The following PPP2R2A variants were observed in gnomAD, a reference collection of about 807,000 sequenced individuals.
The protein encoded by PPP2R2A is serine/threonine-protein phosphatase 2A 55 kDa regulatory subunit B alpha isoform.
In PPP2R2A, 9 loss-of-function variants were observed where a neutral mutation model predicts 53.2. The ratio of observed to expected loss-of-function variants is 0.17; its 90% CI spans 0.10 to 0.30. The LOEUF (loss-of-function observed/expected upper bound fraction) is 0.30, where lower values mean the gene tolerates loss of function less well. Ranked by LOEUF, PPP2R2A falls within the 10% of genes least tolerant of loss-of-function variation. The pLI is 1.00. For synonymous variants in PPP2R2A, 169 were observed against 174.2 expected, an observed-to-expected ratio of 0.97 and a Z score of 0.23; for missense variants, 235 against 534.6, an observed-to-expected ratio of 0.44 and a Z score of 5.53.
chr8:26,296,482 T>C (rs1801544399), intron 2 of PPP2R2A, among the ~76,000 whole-genome samples: 1 of 152,250 alleles, frequency 6.6e-6, no homozygotes, highest in African/African-American at 2.4e-5. Flanking sequence ...AGGATCCTGC[T>C]CATCTCTCAA....
At chr8:26,312,149 G>T (rs924143297) in intron 2 of PPP2R2A, among the ~76,000 whole-genome samples, 1 of 152,208 alleles carries the variant, frequency 6.6e-6, no homozygotes, top group Non-Finnish European at 1.5e-5. Context: ...AAATTCTCCA[G>T]AAGTCTGAAG....
intron 2 of PPP2R2A, among the ~76,000 whole-genome samples, chr8:26,325,187 C>T (rs987232084): frequency 1.3e-5 from 2 of 151,754 alleles, no homozygotes; most frequent in African/African-American, 4.8e-5. Context: ...CAAATCTCAA[C>T]TTGAATTGTA....
rs1285461527 is a variant in PPP2R2A at position 26,316,835 on chromosome 8, C to A, written c.83-22055C>A. ...GGCTCCACCCTTATTACCGGATCAC[C>A]TGCCAAAGACCTCCCTTCCAAATAC... On this transcript the variant is annotated intron_variant, in intron 2 of 9. Coordinates refer to ENST00000380737, the MANE Select transcript of PPP2R2A (RefSeq NM_002717.4). Among the ~76,000 whole-genome samples the A allele has an allele frequency of 2.0e-5, 3 of 152,226 alleles. No individual in the cohort carries two copies. The East Asian group carries it at 5.8e-4, about 29-fold the overall frequency.
chr8:26,348,587 T>C (rs1804340255), intron 3 of PPP2R2A, among the ~76,000 whole-genome samples: 1 of 152,242 alleles, frequency 6.6e-6, no homozygotes, highest in Middle Eastern at 3.4e-3. Context: ...TTCCAAAATA[T>C]GGAAAAAAAT....
At chr8:26,343,376 T>C in intron 3 of PPP2R2A, among the ~76,000 whole-genome samples, 1 of 142,860 alleles carries the variant, frequency 7.0e-6, no homozygotes. Context: ...ACTTCTCAGA[T>C]TTTTTTTTTT....
Position 26,351,348 on chromosome 8 carries a change from C to T in PPP2R2A, c.181-3120C>T, listed in dbSNP as rs576102345. Among the ~76,000 whole-genome samples, 37 of 152,076 alleles carry T rather than the reference C, an allele frequency of 2.4e-4. 1 individual carries two copies. The highest frequency in any genetic ancestry group is 1.2e-3 in the South Asian group (6 of 4,828). On this transcript the variant is annotated intron_variant, in intron 3 of 9. Transcript: ENST00000380737. ...CTGTCTCCATGGCCCTCTTTAAAGT[C>T]AGCCTTACTACCTTATAAATAAGTA...
chr8:26,318,403 TA>T (rs1375505445), intron 2 of PPP2R2A, among the ~76,000 whole-genome samples: 1 of 152,248 alleles, frequency 6.6e-6, no homozygotes, highest in Non-Finnish European at 1.5e-5. Flanking sequence ...TGGTCTTTTA[TA>T]AATCTTTCCT....
At chr8:26,356,478 G>A (rs1409405151) in intron 4 of PPP2R2A, among the ~76,000 whole-genome samples, 2 of 152,190 alleles carry the variant, frequency 1.3e-5, no homozygotes, top group Non-Finnish European at 2.9e-5. Flanking sequence ...TTTAAAGCCT[G>A]TAAATCACAG....
chr8:26,312,712 A>G (rs1468378947), intron 2 of PPP2R2A, among the ~76,000 whole-genome samples: 3 of 152,196 alleles, frequency 2.0e-5, no homozygotes, highest in Non-Finnish European at 2.9e-5. Context: ...AGACCTTACT[A>G]TACTTAGCAA....
In PPP2R2A at chr8:26,311,854, A is replaced by T. The variant is rs146028832; in HGVS notation, c.82+18114A>T. Among the ~76,000 whole-genome samples, 5 of 152,188 alleles carry T rather than the reference A, an allele frequency of 3.3e-5. No individual in the cohort carries two copies. The East Asian group carries it at 9.7e-4, about 29-fold the overall frequency. On this transcript the variant is annotated intron_variant, in intron 2 of 9. Coordinates refer to ENST00000380737, the MANE Select transcript of PPP2R2A (RefSeq NM_002717.4). The stretch of plus-strand genomic sequence containing the variant: ...GGGTGGGGTGGGGTGCACCTAGAAC[A>T]TGCAGGAGGGTCCAAAGCACCCTTC...
intron 2 of PPP2R2A, among the ~76,000 whole-genome samples, chr8:26,334,561 C>G (rs542412648): frequency 5.3e-5 from 8 of 151,960 alleles, no homozygotes; most frequent in African/African-American, 1.4e-4. Context: ...CTGGCTAACA[C>G]GGTGAAACCC....
chr8:26,318,748 T>G (rs980720492), intron 2 of PPP2R2A, among the ~76,000 whole-genome samples: 2 of 152,210 alleles, frequency 1.3e-5, no homozygotes, highest in African/African-American at 4.8e-5. Flanking sequence ...TGTCAGAATA[T>G]AAAGATAGAC....
chr8:26,354,072 T>C lies in PPP2R2A; in HGVS notation c.181-396T>C, dbSNP rs777027547. Among the ~76,000 whole-genome samples the C allele has an allele frequency of 3.9e-5, 6 of 152,148 alleles. No individual in the cohort carries two copies. The highest frequency in any genetic ancestry group is 7.3e-5 in the Non-Finnish European group (5 of 68,034). ...CCCTAAAGTGGGCATAGGAAGAAGG[T>C]GTGCCTCACCTAGCTCTTTCTGGGC... On this transcript the variant is annotated intron_variant, in intron 3 of 9. Transcript: ENST00000380737. This position sits in a 1 kb window ranked among gnomAD's most constrained non-coding sequence, Gnocchi z 4.6.
At chr8:26,350,600 G>A in intron 3 of PPP2R2A, 1 of 151,770 alleles carries the variant, frequency 6.6e-6, no homozygotes, top group Non-Finnish European at 1.5e-5. Context: ...TTTTGGTAGG[G>A]ATGGTCTCAC....
In PPP2R2A at chr8:26,362,755, A is replaced by T. The variant is rs1336033381; in HGVS notation, c.709A>T (p.Asn237Tyr). ...GATTACAGCAGCAGAATTTCATCCA[A>T]ACAGCTGTAACACATTTGTATACAG... ...EVITAAEFHP[N>Y]SCNTFVYSSS... Residue 237 changes from asparagine (N) to tyrosine (Y), a missense_variant, in exon 7 of 10, where the codon AAC becomes TAC. By Grantham distance (143) the Asn-to-Tyr change is moderately radical. Around this residue, in one of 3 missense-constraint regions of PPP2R2A, gnomAD observed 181 missense variants for 409.9 expected, o/e 0.44. Coordinates refer to ENST00000380737, the MANE Select transcript of PPP2R2A (RefSeq NM_002717.4). This position sits in a 1 kb window ranked among gnomAD's most constrained non-coding sequence, Gnocchi z 4.4. 1 of 1,614,022 alleles carries T rather than the reference A, an allele frequency of 6.2e-7. No homozygotes were observed. The highest frequency in any genetic ancestry group is 2.2e-5 in the East Asian group (1 of 44,874).
chr8:26,325,927 C>T (rs1803064960), intron 2 of PPP2R2A, among the ~76,000 whole-genome samples: 1 of 152,170 alleles, frequency 6.6e-6, no homozygotes, highest in Non-Finnish European at 1.5e-5. Context: ...TCTCAGCCTA[C>T]TGGGCTCAAG....
chr8:26,360,306 A>C lies in PPP2R2A; in HGVS notation c.459+25A>C. Reference sequence around the variant, plus strand: ...AGTAAGTACATAAGAAAAAAATGTCACAGATAGTGCTTGTATTCATATTAT... The same window carrying C: ...AGTAAGTACATAAGAAAAAAATGTCCCAGATAGTGCTTGTATTCATATTAT... On this transcript the variant is annotated intron_variant, in intron 5 of 9. Coordinates refer to ENST00000380737, the MANE Select transcript of PPP2R2A (RefSeq NM_002717.4). The surrounding 1 kb of genome is among the most constrained non-coding windows in gnomAD (Gnocchi z 4.5). 1 of 1,394,650 alleles carries C rather than the reference A, an allele frequency of 7.2e-7. No individual in the cohort carries two copies. The allele number at this position is 1,394,650 out of a possible 1,614,324, so 86.4% of individuals were successfully genotyped here. A position where few individuals can be genotyped will look rare whatever the true frequency, so the allele number is the denominator to read the frequency against.
intron 3 of PPP2R2A, among the ~76,000 whole-genome samples, chr8:26,346,576 A>G (rs1022469867): frequency 6.6e-6 from 1 of 152,238 alleles, no homozygotes; most frequent in Non-Finnish European, 1.5e-5. Context: ...GAACTCTGCT[A>G]GTCTTTCTAC....
chr8:26,370,089 T>C lies in PPP2R2A; in HGVS notation c.1065-45T>C. On this transcript the variant is annotated intron_variant, in intron 9 of 9. Coordinates refer to ENST00000380737, the MANE Select transcript of PPP2R2A (RefSeq NM_002717.4). This position sits in a 1 kb window ranked among gnomAD's most constrained non-coding sequence, Gnocchi z 6.1. ...CCGAATCATTTTACTTGAAAACAAT[T>C]TCTTGTTCTGCTTGTTTGACTGAGT... The C allele has an allele frequency of 1.3e-6, 2 of 1,569,028 alleles. No individual in the cohort carries two copies. The highest frequency in any genetic ancestry group is 2.7e-5 in the African/African-American group (2 of 73,292).
Sources: gnomAD v4.1 joint callset for allele counts (sites outside exome capture counted in the v4.1 genomes callset) on GRCh38, gnomAD v4.1.1 for gene constraint, gnomAD v4.1.1 regional missense constraint, Gnocchi (gnomAD v3.1) non-coding constraint, MANE v1.5 for transcripts, NCBI Gene and HGNC (gene_info 2026-07-23, HGNC 2026-07-21) for gene names.